Variants in UBE2Q2 observed in about 807,000 individuals in gnomAD.
UBE2Q2 encodes ubiquitin conjugating enzyme E2 Q2.
A neutral mutation model predicts 59.9 loss-of-function variants in UBE2Q2; 54 were observed. The ratio of observed to expected loss-of-function variants is 0.90; its 90% CI spans 0.72 to 1.13. UBE2Q2 has a LOEUF of 1.13. Among genes scored for constraint, UBE2Q2 ranks in the 50% most tolerant of loss-of-function variants. UBE2Q2 has a pLI of 0.00. For missense variants in UBE2Q2, 433 were observed against 441.9 expected (o/e 0.98, Z 0.18); for synonymous variants, 165 against 155.2 (o/e 1.06, Z -0.47).
chr15:75,875,049 G>A (rs562881350), intron 5 of UBE2Q2, among the ~76,000 whole-genome samples: 14 of 152,104 alleles, frequency 9.2e-5, no homozygotes, highest in Non-Finnish European at 1.9e-4. Context: ...AAAAAACAAA[G>A]TTTGTCATTT....
chr15:75,859,904 A>T lies in UBE2Q2; in HGVS notation c.309A>T (p.Ile103=). The part of the protein sequence containing the change: ...NLLRQQLKWL[I]CELCSLYNLP... ...TTCGTCAGCAATTGAAGTGGTTGATATGTGAACTCTGCAGTTTATATAACC... is the reference window on the plus strand; with the variant it reads ...TTCGTCAGCAATTGAAGTGGTTGATTTGTGAACTCTGCAGTTTATATAACC... The change falls in exon 3 of 13, where the codon ATA becomes ATT. Residue 103 remains isoleucine (I), a synonymous_variant. Transcript: ENST00000267938. 2 of 1,601,038 alleles carry T rather than the reference A, an allele frequency of 1.2e-6. No individual in the cohort carries two copies. Among genetic ancestry groups the T allele is most frequent in the Non-Finnish European group, 1.7e-6 (2 of 1,176,518 alleles).
intron 11 of UBE2Q2, among the ~76,000 whole-genome samples, chr15:75,891,920 C>T (rs1315236305): frequency 6.6e-6 from 1 of 152,144 alleles, no homozygotes. Context: ...TCCTGGAGCA[C>T]ACAGTCTTTA....
chr15:75,867,211 T>C (rs1897540472), intron 3 of UBE2Q2, among the ~76,000 whole-genome samples: 1 of 152,236 alleles, frequency 6.6e-6, no homozygotes, highest in South Asian at 2.1e-4. Context: ...CATTGAGTTA[T>C]ACTAAAAACA....
intron 3 of UBE2Q2, among the ~76,000 whole-genome samples, chr15:75,860,425 C>T (rs1897152615): frequency 6.6e-6 from 1 of 151,604 alleles, no homozygotes. Context: ...CCTATTTAGG[C>T]ATCTAAATAT....
chr15:75,872,832 TG>T (rs1897869315), intron 4 of UBE2Q2, among the ~76,000 whole-genome samples: 1 of 152,186 alleles, frequency 6.6e-6, no homozygotes, highest in Non-Finnish European at 1.5e-5. Flanking sequence ...TTTCTTTTTC[TG>T]TGCTTATTTC....
intron 11 of UBE2Q2, among the ~76,000 whole-genome samples, chr15:75,893,518 T>A (rs335709): frequency 6.6e-6 from 1 of 152,182 alleles, no homozygotes; most frequent in East Asian, 1.9e-4. Context: ...ACATACCCTG[T>A]GTACTACTAG....
At chr15:75,894,813 A>G (rs572742249) in intron 11 of UBE2Q2, among the ~76,000 whole-genome samples, 2 of 152,238 alleles carry the variant, frequency 1.3e-5, no homozygotes, top group African/African-American at 4.8e-5. Flanking sequence ...AGGGTTGGAA[A>G]GTGACTGCTT....
chr15:75,846,085 A>G (rs2141523587), intron 1 of UBE2Q2, among the ~76,000 whole-genome samples: 1 of 152,384 alleles, frequency 6.6e-6, no homozygotes, highest in East Asian at 1.9e-4. Context: ...ACAAAAGTTG[A>G]ACAGTGTAAT....
chr15:75,854,919 T>A (rs1896823622), intron 2 of UBE2Q2, among the ~76,000 whole-genome samples: 1 of 152,158 alleles, frequency 6.6e-6, no homozygotes, highest in Non-Finnish European at 1.5e-5. Flanking sequence ...TTGTTTTTAG[T>A]ATATAAAGAA....
Position 75,897,039 on chromosome 15 carries a change from T to C in UBE2Q2, c.1074T>C (p.Ile358=). Residue 358 remains isoleucine, a synonymous_variant, in exon 12 of 13, where the codon ATT becomes ATC. Transcript: ENST00000267938. ...GAGCCCAACAATCCTATAATTCCAT[T>C]GTACAGATACATGAGAAAAATGGTA... ...LARAQQSYNS[I]VQIHEKNGWY... is the part of the protein sequence containing the mutation. 1 of 1,571,912 alleles carries C rather than the reference T, an allele frequency of 6.4e-7. No homozygotes were observed. The highest frequency in any genetic ancestry group is 8.6e-7 in the Non-Finnish European group (1 of 1,156,570).
intron 11 of UBE2Q2, among the ~76,000 whole-genome samples, chr15:75,894,112 G>C (rs1899261586): frequency 6.6e-6 from 1 of 152,178 alleles, no homozygotes. Flanking sequence ...ACAGGGATTT[G>C]AAATTAAAAC....
intron 1 of UBE2Q2, among the ~76,000 whole-genome samples, chr15:75,853,363 C>T (rs1265271620): frequency 2.0e-5 from 3 of 151,768 alleles, no homozygotes; most frequent in African/African-American, 4.8e-5. Flanking sequence ...CCCAGCTACT[C>T]GGGAGGCTGA....
chr15:75,844,169 A>C, intron 1 of UBE2Q2: 1 of 1,435,380 alleles, frequency 7.0e-7, no homozygotes, highest in Non-Finnish European at 9.1e-7. Flanking sequence ...GGCCGCCCTC[A>C]GCCGGCCTGC....
intron 9 of UBE2Q2, among the ~76,000 whole-genome samples, chr15:75,889,770 A>T (rs1029446665): frequency 6.6e-6 from 1 of 152,244 alleles, no homozygotes; most frequent in Admixed American, 6.5e-5. Flanking sequence ...TTAAAATAAC[A>T]TTGAAGGAGA....
intron 4 of UBE2Q2, among the ~76,000 whole-genome samples, chr15:75,871,478 T>A (rs367804767): frequency 1.3e-5 from 2 of 152,242 alleles, no homozygotes; most frequent in African/African-American, 2.4e-5. Context: ...CATGGGGAGA[T>A]ACCTTAGACA....
At chr15:75,857,972 G>A (rs895712286) in intron 2 of UBE2Q2, among the ~76,000 whole-genome samples, 2 of 152,100 alleles carry the variant, frequency 1.3e-5, no homozygotes, top group Non-Finnish European at 2.9e-5. Context: ...ATTGGCTTCT[G>A]TGTCAGGCTC....
Position 75,843,469 on chromosome 15 carries a change from G to A in UBE2Q2, c.-198G>A, listed in dbSNP as rs1227421610. 1.2e-5 allele frequency: 3 copies of A among 253,932 alleles called. No homozygotes were observed. Among genetic ancestry groups the A allele is most frequent in the Non-Finnish European group, 2.1e-5 (3 of 139,846 alleles). The allele number at this position is 253,932 out of a possible 1,614,324, so 15.7% of individuals were successfully genotyped here. A position where few individuals can be genotyped will look rare whatever the true frequency, so the allele number is the denominator to read the frequency against. ...GCCGCTGGAGTCGGTTACAAAGGAA[G>A]CGCCACCCAGGCCGCCACACGCCGA... is the stretch of plus-strand genomic sequence containing the variant. On this transcript the variant is annotated 5_prime_UTR_variant, in exon 1 of 13. Transcript: ENST00000267938.
At chr15:75,887,443 C>CA (rs1898845531) in intron 9 of UBE2Q2, among the ~76,000 whole-genome samples, 1 of 152,060 alleles carries the variant, frequency 6.6e-6, no homozygotes, top group South Asian at 2.1e-4. Context: ...ATGAGATACT[C>CA]AGAGTATACC....
At chr15:75,856,186 C>CA (rs1004324633) in intron 2 of UBE2Q2, among the ~76,000 whole-genome samples, 12 of 142,234 alleles carry the variant, frequency 8.4e-5, no homozygotes, top group East Asian at 2.0e-4. Context: ...GACCCCGTCT[C>CA]AAAAAAAAAT....
Sources: gnomAD v4.1 joint callset for allele counts (sites outside exome capture counted in the v4.1 genomes callset) on GRCh38, gnomAD v4.1.1 for gene constraint, MANE v1.5 for transcripts, NCBI Gene and HGNC (gene_info 2026-07-23, HGNC 2026-07-21) for gene names.